Variants in TOPORS observed in about 807,000 individuals in gnomAD.
TOPORS encodes TOP1 binding arginine/serine rich protein, E3 ubiquitin ligase.
A neutral mutation model predicts 81.4 loss-of-function variants in TOPORS; 25 were observed. That is an observed-to-expected ratio of 0.31 (90% CI 0.22 to 0.43). The LOEUF (loss-of-function observed/expected upper bound fraction) is 0.43, where lower values mean the gene tolerates loss of function less well. TOPORS is among the 20% of genes least tolerant of loss of function. The pLI, the probability that TOPORS is intolerant of heterozygous loss-of-function variation, is 1.00. For synonymous variants in TOPORS, 473 were observed against 456.6 expected (o/e 1.04, Z -0.46); for missense variants, 1,101 against 1,267.0 (o/e 0.87, Z 1.99).
At chr9:32,552,192 A>G in intron 1 of TOPORS, 2 of 581,122 alleles carry the variant, frequency 3.4e-6, no homozygotes, top group Admixed American at 3.1e-5. Flanking sequence ...AAAAAAAAAA[A>G]GCAATTTTTA....
rs767016930 is a variant in TOPORS, at chr9:32,544,083, T to C, written c.442A>G (p.Ile148Val). Residue 148 changes from isoleucine (I) to valine (V), a missense_variant, in exon 3 of 3, where the codon ATT (isoleucine) becomes GTT (valine). By Grantham distance (29) the Ile-to-Val change is conservative. Around this residue, in one of 9 missense-constraint regions of TOPORS, gnomAD observed 10 missense variants for 21.4 expected, o/e 0.47. Coordinates refer to ENST00000360538, the MANE Select transcript of TOPORS (RefSeq NM_005802.5). ...CPLCKQPFDS[I>V]FHSVRAEDDF... ...TCTTCTGCCCTCACAGAATGGAAAA[T>C]AGAATCAAAGGGCTGTTTACATAGT... The C allele has an allele frequency of 3.1e-6, 5 of 1,613,986 alleles. No homozygotes were observed. The highest frequency in any genetic ancestry group is 3.3e-5 in the Admixed American group (2 of 59,990).
In TOPORS at chr9:32,542,251, C is replaced by G; in HGVS notation, c.2274G>C (p.Glu758Asp). 6.2e-7 allele frequency: 1 copy of G among 1,614,182 alleles called. No homozygotes were observed. The highest frequency in any genetic ancestry group is 1.1e-5 in the South Asian group (1 of 91,078). Reference sequence around the variant, plus strand: ...GCCTTTCATAGTAGTAATACTTCCTCTCACTGTGATTATTTTTTTTCCTAG... The same window carrying G: ...GCCTTTCATAGTAGTAATACTTCCTGTCACTGTGATTATTTTTTTTCCTAG... ...TNARKKNNHS[E>D]RKYYYYERHR... The change falls in exon 3 of 3, where the codon GAG (glutamate) becomes GAC (aspartate). Residue 758 changes from glutamate (E) to aspartate (D), a missense_variant. Glu to Asp is a conservative substitution (Grantham distance 45, BLOSUM62 2). Around this residue, in one of 9 missense-constraint regions of TOPORS, gnomAD observed 605 missense variants for 636.1 expected, o/e 0.95. Transcript: ENST00000360538.
rs1198667395 is a variant in TOPORS at position 32,544,016 on chromosome 9, G to C, written c.509C>G (p.Ser170Cys). The C allele has an allele frequency of 1.9e-6, 3 of 1,614,052 alleles. No homozygotes were observed. In the East Asian group the frequency reaches 6.7e-5, roughly 36 times the overall value. ...AAATCGTCGATCAGGGGTGACAAAA[G>C]AACCATTATACGAAGGCCTTAGGAC... ...EYVLRPSYNG[S>C]FVTPDRRFRY... is the part of the protein sequence containing the mutation. Residue 170 changes from serine to cysteine, a missense_variant, in exon 3 of 3, where the codon TCT (serine) becomes TGT (cysteine). Transcript: ENST00000360538.
Position 32,542,583 on chromosome 9 carries a change from T to G in TOPORS, c.1942A>C (p.Thr648Pro), listed in dbSNP as rs1191870702. 1 of 1,613,964 alleles carries G rather than the reference T, an allele frequency of 6.2e-7. No individual in the cohort carries two copies. The highest frequency in any genetic ancestry group is 1.3e-5 in the African/African-American group (1 of 74,906). The change falls in exon 3 of 3, where the codon ACT becomes CCT. Residue 648 changes from threonine to proline, a missense_variant. Coordinates refer to ENST00000360538, the MANE Select transcript of TOPORS (RefSeq NM_005802.5). ...RGRRDKKRSR[T>P]RDSSWSRRSQ... ...CTTCTGGACCAACTGCTATCTCTAGTTCTTGATCTCTTTTTGTCTCTTCTC... is the reference window on the plus strand; with the variant it reads ...CTTCTGGACCAACTGCTATCTCTAGGTCTTGATCTCTTTTTGTCTCTTCTC...
chr9:32,549,194 C>T (rs896329911), intron 2 of TOPORS, among the ~76,000 whole-genome samples: 1 of 152,144 alleles, frequency 6.6e-6, no homozygotes, highest in African/African-American at 2.4e-5. Context: ...GTAGTCCCAG[C>T]TAGTCGGGAG....
Position 32,541,892 on chromosome 9 carries a change from G to GT in TOPORS, c.2632dup (p.Thr878AsnfsTer3). 3.1e-6 allele frequency: 5 copies of GT among 1,613,990 alleles called. No individual in the cohort carries two copies. The highest frequency in any genetic ancestry group is 4.2e-6 in the Non-Finnish European group (5 of 1,180,016). On this transcript the variant is annotated frameshift_variant, in exon 3 of 3. Transcript: ENST00000360538. LOFTEE classifies it high-confidence loss of function. ...CTTTTTCTTTTTATGGTGTTTAGTT[G>GT]TATCAGTAGCTTTTCCTTCATAAAC...
Position 32,542,094 on chromosome 9 carries a change from G to C in TOPORS, c.2431C>G (p.Gln811Glu), listed in dbSNP as rs762975517. The C allele has an allele frequency of 6.4e-5, 104 of 1,613,990 alleles. No homozygotes were observed. Among genetic ancestry groups the C allele is most frequent in the Non-Finnish European group, 8.7e-5 (103 of 1,180,018 alleles). The change falls in exon 3 of 3, where the codon CAG becomes GAG. Residue 811 changes from glutamine to glutamate, a missense_variant. Physicochemically the swap from Gln to Glu is conservative, Grantham distance 29. Coordinates refer to ENST00000360538, the MANE Select transcript of TOPORS (RefSeq NM_005802.5). Reference sequence around the variant, plus strand: ...TTAGAAGCAAATTCACGAGATGGCTGAGCCACTTCGTTAGTACCCTCCAAA... The same window carrying C: ...TTAGAAGCAAATTCACGAGATGGCTCAGCCACTTCGTTAGTACCCTCCAAA... ...RHLEGTNEVA[Q>E]PSREFASKAK... is the part of the protein sequence containing the mutation.
chr9:32,542,096 G>A lies in TOPORS; in HGVS notation c.2429C>T (p.Ala810Val), dbSNP rs1821073069. 1 of 1,614,036 alleles carries A rather than the reference G, an allele frequency of 6.2e-7. No individual in the cohort carries two copies. Among genetic ancestry groups the A allele is most frequent in the Non-Finnish European group, 8.5e-7 (1 of 1,180,044 alleles). Reference sequence around the variant, plus strand: ...AGAAGCAAATTCACGAGATGGCTGAGCCACTTCGTTAGTACCCTCCAAATG... The same window carrying A: ...AGAAGCAAATTCACGAGATGGCTGAACCACTTCGTTAGTACCCTCCAAATG... The part of the protein sequence containing the change: ...TRHLEGTNEV[A>V]QPSREFASKA... The change falls in exon 3 of 3, where the codon GCT becomes GTT. Residue 810 changes from alanine to valine, a missense_variant. This residue lies in a region of TOPORS where 605 missense variants were observed against 636.1 expected (regional missense o/e 0.95). Transcript: ENST00000360538.
Position 32,541,327 on chromosome 9 carries a change from G to T in TOPORS, c.*60C>A. On this transcript the variant is annotated 3_prime_UTR_variant, in exon 3 of 3. Transcript: ENST00000360538. Reference sequence around the variant, plus strand: ...CATCTTTAAATAGACTGCAGTAGACGACATTCTTCCTTTTTCCTTTTTATA... The same window carrying T: ...CATCTTTAAATAGACTGCAGTAGACTACATTCTTCCTTTTTCCTTTTTATA... 1 of 1,544,068 alleles carries T rather than the reference G, an allele frequency of 6.5e-7. No homozygotes were observed.
chr9:32,541,289 T>G lies in TOPORS; in HGVS notation c.*98A>C. ...AAAATATTGTAAGGAGGAAGAGAGT[T>G]TTCACCAAATGTCATCTTTAAATAG... On this transcript the variant is annotated 3_prime_UTR_variant, in exon 3 of 3. Coordinates refer to ENST00000360538, the MANE Select transcript of TOPORS (RefSeq NM_005802.5). 1 of 1,226,222 alleles carries G rather than the reference T, an allele frequency of 8.2e-7. No individual in the cohort carries two copies. The highest frequency in any genetic ancestry group is 1.2e-6 in the Non-Finnish European group (1 of 862,720). The allele number at this position is 1,226,222 out of a possible 1,614,324, so 76.0% of individuals were successfully genotyped here.
intron 1 of TOPORS, chr9:32,551,852 A>G (rs1821274475): frequency 2.3e-6 from 1 of 435,078 alleles, no homozygotes; most frequent in Non-Finnish European, 4.7e-6. Flanking sequence ...ACATTACGCT[A>G]TACGTTTCTG....
At chr9:32,547,107 G>T (rs903044743) in intron 2 of TOPORS, among the ~76,000 whole-genome samples, 12 of 152,302 alleles carry the variant, frequency 7.9e-5, no homozygotes, top group Admixed American at 2.0e-4. Context: ...GGTGGCTCAC[G>T]CCTGTAATCC....
chr9:32,550,743 C>G (rs1298559462), intron 2 of TOPORS, 31 bp downstream of exon 2: 2 of 1,611,836 alleles, frequency 1.2e-6, no homozygotes, highest in Non-Finnish European at 8.5e-7. Flanking sequence ...CCTTCCGACC[C>G]CCGCGTCCCA....
intron 2 of TOPORS, among the ~76,000 whole-genome samples, chr9:32,548,898 G>T (rs902113045): frequency 6.6e-6 from 1 of 152,148 alleles, no homozygotes; most frequent in African/African-American, 2.4e-5. Context: ...AATGGATGGG[G>T]GAGATAAAGA....
chr9:32,543,982 A>G lies in TOPORS; in HGVS notation c.543T>C (p.Arg181=), dbSNP rs201581548. The part of the protein sequence containing the change: ...FVTPDRRFRY[R]TTLTRERNAS... ...CATTTCGTTCCCTTGTCAGAGTTGTACGGTAGCGAAATCGTCGATCAGGGG... is the reference window on the plus strand; with the variant it reads ...CATTTCGTTCCCTTGTCAGAGTTGTGCGGTAGCGAAATCGTCGATCAGGGG... Residue 181 remains arginine (R), a synonymous_variant, in exon 3 of 3, where the codon CGT becomes CGC. Transcript: ENST00000360538. This position sits in a 1 kb window ranked among gnomAD's most constrained non-coding sequence, Gnocchi z 5.6. 21 of 1,614,158 alleles carry G rather than the reference A, an allele frequency of 1.3e-5. No individual in the cohort carries two copies. In the East Asian group the frequency reaches 4.5e-4, roughly 34 times the overall value.
intron 1 of TOPORS, chr9:32,552,211 T>C: frequency 1.7e-6 from 1 of 602,314 alleles, no homozygotes; most frequent in Non-Finnish European, 2.9e-6. Flanking sequence ...TAACATTTTC[T>C]CGTTTATTCC....
At position 32,542,005 on chromosome 9, in the gene TOPORS, A is replaced by C. The variant is rs758521255; in HGVS notation, c.2520T>G (p.Ser840Arg). Residue 840 changes from serine to arginine, a missense_variant, in exon 3 of 3, where the codon AGT becomes AGG. Ser to Arg is a moderately radical substitution (Grantham distance 110). This residue lies in a region of TOPORS where 605 missense variants were observed against 636.1 expected (regional missense o/e 0.95). Coordinates refer to ENST00000360538, the MANE Select transcript of TOPORS (RefSeq NM_005802.5). ...ATGATCGGCTGTCTGAAAAGGTATC[A>C]CTCTCATTTTTGTAGTTTCCATCCA... ...SKLDGNYKNE[S>R]DTFSDSRSSD... 41 of 1,613,300 alleles carry C rather than the reference A, an allele frequency of 2.5e-5. No homozygotes were observed. The highest frequency in any genetic ancestry group is 3.3e-5 in the Non-Finnish European group (39 of 1,179,908).
intron 2 of TOPORS, among the ~76,000 whole-genome samples, chr9:32,548,096 C>T (rs1168384493): frequency 6.7e-6 from 1 of 149,696 alleles, no homozygotes; most frequent in Admixed American, 6.6e-5. Flanking sequence ...GAGATCCGCC[C>T]GTCTCGGCCT....
At chr9:32,551,578 C>T (rs979059930) in intron 1 of TOPORS, 7 of 252,056 alleles carry the variant, frequency 2.8e-5, no homozygotes, top group Non-Finnish European at 5.9e-5. Context: ...TAGACTAAAA[C>T]TCTTTTAAGA....
Sources: gnomAD v4.1 joint callset for allele counts (sites outside exome capture counted in the v4.1 genomes callset) on GRCh38, gnomAD v4.1.1 for gene constraint, gnomAD v4.1.1 regional missense constraint, Gnocchi (gnomAD v3.1) non-coding constraint, MANE v1.5 for transcripts, NCBI Gene and HGNC (gene_info 2026-07-23, HGNC 2026-07-21) for gene names.